SHTN1: variants seen among roughly 807,000 people sequenced by gnomAD.
The protein encoded by SHTN1 is shootin 1, also known as shootin-1.
Under a neutral mutation model 83.1 loss-of-function variants are expected in SHTN1, and 42 were observed. That is an observed-to-expected ratio of 0.51 (90% CI 0.39 to 0.65). SHTN1 has a LOEUF of 0.65. Ranked by LOEUF, SHTN1 falls within the 30% of genes least tolerant of loss-of-function variation. SHTN1 has a pLI of 0.00. For synonymous variants in SHTN1, 224 were observed against 247.7 expected, an observed-to-expected ratio of 0.90 and a Z score of 0.90; for missense variants, 622 against 737.8, an observed-to-expected ratio of 0.84 and a Z score of 1.82.
chr10:116,968,905 T>C (rs956341048), intron 2 of SHTN1, among the ~76,000 whole-genome samples, 193 bp from the exon 3 acceptor site: 9 of 152,260 alleles, frequency 5.9e-5, no homozygotes, highest in Admixed American at 5.9e-4. Flanking sequence ...CATTTGTATC[T>C]GGCCAATTTT....
intron 3 of SHTN1, 68 bp downstream of exon 3, chr10:116,968,584 T>G: frequency 1.8e-6 from 2 of 1,142,256 alleles, no homozygotes; most frequent in Non-Finnish European, 1.3e-6. Flanking sequence ...CAATAGGGTA[T>G]AAGTCTACTC....
chr10:116,981,050 G>A (rs1850997301), intron 1 of SHTN1, among the ~76,000 whole-genome samples: 1 of 152,146 alleles, frequency 6.6e-6, no homozygotes, highest in South Asian at 2.1e-4. Context: ...TGGGCGTGGT[G>A]GCTCACGCCT....
intron 9 of SHTN1, among the ~76,000 whole-genome samples, chr10:116,930,653 C>T (rs1372821433): frequency 6.6e-6 from 1 of 152,158 alleles, no homozygotes; most frequent in Non-Finnish European, 1.5e-5. Context: ...GAGGTTGACT[C>T]CATGACTTTG....
At chr10:116,940,158 GA>G (rs1333812907) in intron 9 of SHTN1, among the ~76,000 whole-genome samples, 1 of 152,100 alleles carries the variant, frequency 6.6e-6, no homozygotes, top group Non-Finnish European at 1.5e-5. Context: ...TCCAAAAATT[GA>G]ATTTCCAGAC....
intron 5 of SHTN1, 24 bp downstream of exon 5, chr10:116,954,018 C>T: frequency 1.3e-6 from 2 of 1,583,096 alleles, no homozygotes; most frequent in Non-Finnish European, 8.6e-7. Context: ...AAAATATGCT[C>T]AATAATTAAG....
At chr10:116,896,322 T>C (rs1053518007) in intron 16 of SHTN1, among the ~76,000 whole-genome samples, 1 of 152,172 alleles carries the variant, frequency 6.6e-6, no homozygotes, top group Non-Finnish European at 1.5e-5. Flanking sequence ...TTCTTATTTA[T>C]TGCTTGACTT....
At chr10:117,103,530 C>CTTTTTT (rs35229163) in intron 1 of SHTN1, among the ~76,000 whole-genome samples, 19 of 77,542 alleles carry the variant, frequency 2.5e-4, no homozygotes, top group African/African-American at 6.2e-4. Context: ...CCTCCCCTCT[C>CTTTTTT]TTTTTTTTTT....
chr10:117,009,497 T>TG (rs1204527603), upstream of SHTN1, among the ~76,000 whole-genome samples: 26 of 152,162 alleles, frequency 1.7e-4, no homozygotes, highest in African/African-American at 5.8e-4. Flanking sequence ...AAAAGAGAGT[T>TG]GGGGTGGTTA....
At chr10:117,028,293 G>T (rs936315978) in intron 2 of SHTN1, among the ~76,000 whole-genome samples, 1 of 152,148 alleles carries the variant, frequency 6.6e-6, no homozygotes, top group African/African-American at 2.4e-5. Context: ...ATGACCTAAA[G>T]TTGGAACTTA....
At chr10:116,984,897 C>G (rs1851170102) in intron 1 of SHTN1, among the ~76,000 whole-genome samples, 1 of 152,226 alleles carries the variant, frequency 6.6e-6, no homozygotes, top group Non-Finnish European at 1.5e-5. Flanking sequence ...TCCCTAAACC[C>G]TCTAAGACCT....
intron 3 of SHTN1, among the ~76,000 whole-genome samples, chr10:116,963,354 G>A (rs980305015): frequency 1.3e-5 from 2 of 151,610 alleles, no homozygotes; most frequent in African/African-American, 4.8e-5. Flanking sequence ...TTACAAGCGT[G>A]AGCCACCGCG....
At chr10:117,089,751 A>G (rs1420457186) in intron 1 of SHTN1, among the ~76,000 whole-genome samples, 1 of 152,118 alleles carries the variant, frequency 6.6e-6, no homozygotes. Context: ...CCACAGAAAC[A>G]AACAAGCTGA....
At position 117,089,345 on chromosome 10, in the gene SHTN1, G is replaced by A. The variant is rs898071020; in HGVS notation, c.-189+36962C>T. The stretch of plus-strand genomic sequence containing the variant: ...TTAATAAAAAGTAATTTAGAGTCTA[G>A]AAGTGGGGAAAGGCAGGATAATACT... On this transcript the variant is annotated intron_variant, in intron 1 of 17. Transcript: ENST00000392901. Among the ~76,000 whole-genome samples the A allele has an allele frequency of 9.9e-5, 15 of 152,256 alleles. 1 individual carries two copies. The highest frequency in any genetic ancestry group is 3.6e-4 in the African/African-American group (15 of 41,558).
chr10:117,030,649 C>A (rs772229492), intron 2 of SHTN1, among the ~76,000 whole-genome samples: 3 of 151,822 alleles, frequency 2.0e-5, no homozygotes, highest in African/African-American at 7.3e-5. Flanking sequence ...ACCAATTTAA[C>A]AAAGTGATTG....
chr10:117,080,846 G>A, intron 1 of SHTN1, among the ~76,000 whole-genome samples: 1 of 141,204 alleles, frequency 7.1e-6, no homozygotes, highest in Non-Finnish European at 1.5e-5. Context: ...GTCTGTTGTT[G>A]GTGTATAGGA....
intron 1 of SHTN1, among the ~76,000 whole-genome samples, chr10:116,987,472 TAAG>T (rs1851258082): frequency 6.6e-6 from 1 of 152,006 alleles, no homozygotes; most frequent in Admixed American, 6.5e-5. Flanking sequence ...TAGTTGGTGC[TAAG>T]AAGTAGCAAG....
At chr10:116,989,817 A>G (rs572662811) in intron 1 of SHTN1, among the ~76,000 whole-genome samples, 62 of 152,318 alleles carry the variant, frequency 4.1e-4, no homozygotes, top group African/African-American at 1.5e-3. Flanking sequence ...TGTGCATTGC[A>G]TGTGTTAATA....
intron 2 of SHTN1, among the ~76,000 whole-genome samples, chr10:117,042,244 T>C (rs563113633): frequency 1.3e-5 from 2 of 152,322 alleles, no homozygotes; most frequent in South Asian, 2.1e-4. Flanking sequence ...GCACTTTCTA[T>C]GTAATCAGAG....
intron 11 of SHTN1, among the ~76,000 whole-genome samples, chr10:116,926,885 A>C (rs1848762547): frequency 6.6e-6 from 1 of 152,084 alleles, no homozygotes; most frequent in Non-Finnish European, 1.5e-5. Flanking sequence ...GCAAAATTTG[A>C]CTCTAAATCT....
Sources: gnomAD v4.1 joint callset for allele counts (sites outside exome capture counted in the v4.1 genomes callset) on GRCh38, gnomAD v4.1.1 for gene constraint, MANE v1.5 for transcripts, NCBI Gene and HGNC (gene_info 2026-07-23, HGNC 2026-07-21) for gene names.